MAGI2: variants seen among roughly 807,000 people sequenced by gnomAD.
MAGI2 encodes membrane associated guanylate kinase, WW and PDZ domain containing 2.
In MAGI2, 35 loss-of-function variants were observed where a neutral mutation model predicts 133.3. That is an observed-to-expected ratio of 0.26 (90% CI 0.20 to 0.35). The LOEUF (loss-of-function observed/expected upper bound fraction) is 0.35, where lower values mean the gene tolerates loss of function less well. Among genes scored for constraint, MAGI2 ranks in the 10% least tolerant of loss-of-function variants. MAGI2 has a pLI of 1.00. For synonymous variants in MAGI2, 729 were observed against 710.6 expected (o/e 1.03, Z -0.41); for missense variants, 1,636 against 1,863.4 (o/e 0.88, Z 2.25).
intron 10 of MAGI2, among the ~76,000 whole-genome samples, chr7:78,233,085 A>G (rs1175763128): frequency 6.6e-6 from 1 of 152,160 alleles, no homozygotes; most frequent in East Asian, 1.9e-4. Context: ...TGTAAGAGAA[A>G]AGTTCTGATC....
chr7:79,078,967 A>G (rs1815791905), intron 1 of MAGI2, among the ~76,000 whole-genome samples: 1 of 152,046 alleles, frequency 6.6e-6, no homozygotes, highest in East Asian at 1.9e-4. Context: ...TCCATTCTTT[A>G]CTCAATCTTT....
intron 9 of MAGI2, among the ~76,000 whole-genome samples, chr7:78,272,142 G>A (rs1393449881): frequency 2.0e-4 from 31 of 152,148 alleles, no homozygotes; most frequent in Non-Finnish European, 1.5e-5. Context: ...GGTGCATCGT[G>A]TCCTTTGTTC....
chr7:78,654,272 C>T (rs1232192156), intron 2 of MAGI2, among the ~76,000 whole-genome samples: 1 of 152,134 alleles, frequency 6.6e-6, no homozygotes. Context: ...GGATAACATA[C>T]TACCTTCCTC....
At chr7:78,796,511 A>G (rs1295361092) in intron 2 of MAGI2, among the ~76,000 whole-genome samples, 1 of 152,214 alleles carries the variant, frequency 6.6e-6, no homozygotes, top group Non-Finnish European at 1.5e-5. Context: ...ATGTAGAGAA[A>G]GGAGGATGCT....
At chr7:79,432,578 C>T (rs144813029) in intron 1 of MAGI2, among the ~76,000 whole-genome samples, 6 of 152,274 alleles carry the variant, frequency 3.9e-5, no homozygotes, top group African/African-American at 1.4e-4. Context: ...TCAGGGATGC[C>T]TGAGGTTTTC....
intron 2 of MAGI2, among the ~76,000 whole-genome samples, chr7:78,957,780 T>C (rs1301657573): frequency 6.6e-6 from 1 of 152,070 alleles, no homozygotes; most frequent in Non-Finnish European, 1.5e-5. Context: ...GGCTCCAGAG[T>C]TGGCATTCCT....
chr7:78,136,981 A>G (rs2150545635), intron 16 of MAGI2, among the ~76,000 whole-genome samples: 2 of 152,356 alleles, frequency 1.3e-5, no homozygotes, highest in South Asian at 4.1e-4. Flanking sequence ...TATATACCAT[A>G]AGCACTAATG....
intron 9 of MAGI2, among the ~76,000 whole-genome samples, chr7:78,326,502 A>G (rs928419492): frequency 2.6e-5 from 4 of 152,116 alleles, no homozygotes; most frequent in African/African-American, 9.7e-5. Flanking sequence ...TTACACATCC[A>G]CAGATCCCCA....
At chr7:78,548,468 G>A (rs1470703080) in intron 3 of MAGI2, among the ~76,000 whole-genome samples, 1 of 152,190 alleles carries the variant, frequency 6.6e-6, no homozygotes, top group Non-Finnish European at 1.5e-5. Flanking sequence ...GCCAAGGCAG[G>A]AGGATCACTT....
chr7:78,243,466 G>A lies in MAGI2; in HGVS notation c.2047+12477C>T, dbSNP rs560362238. On this transcript the variant is annotated intron_variant, in intron 10 of 21. Coordinates refer to ENST00000354212, the MANE Select transcript of MAGI2 (RefSeq NM_012301.4). ...GCTTTACTTTTAATGTTTTATCTGT[G>A]CAGTTTAAAAATCGTGGTACAGTAG... 3.9e-5 allele frequency among the ~76,000 whole-genome samples: 6 copies of A among 152,178 alleles called. No homozygotes were observed. In the East Asian group the frequency reaches 7.7e-4, roughly 20 times the overall value.
At chr7:78,979,823 A>T (rs907069889) in intron 2 of MAGI2, among the ~76,000 whole-genome samples, 2 of 151,946 alleles carry the variant, frequency 1.3e-5, no homozygotes, top group Non-Finnish European at 2.9e-5. Flanking sequence ...TTAAAAATTA[A>T]ATACATAAGT....
intron 20 of MAGI2, among the ~76,000 whole-genome samples, chr7:78,088,928 A>G (rs1816912072): frequency 6.6e-6 from 1 of 152,214 alleles, no homozygotes; most frequent in South Asian, 2.1e-4. Flanking sequence ...CACAAAGGTC[A>G]AAGTCTGAGA....
At chr7:78,920,143 T>A (rs1037741774) in intron 2 of MAGI2, among the ~76,000 whole-genome samples, 1 of 152,098 alleles carries the variant, frequency 6.6e-6, no homozygotes, top group Non-Finnish European at 1.5e-5. Context: ...ACTCCATGAA[T>A]TTCTACATCA....
At chr7:78,716,942 T>C (rs1030323754) in intron 2 of MAGI2, among the ~76,000 whole-genome samples, 1 of 152,184 alleles carries the variant, frequency 6.6e-6, no homozygotes, top group Non-Finnish European at 1.5e-5. Flanking sequence ...CCACCTTTTA[T>C]AAACTCCGGT....
At chr7:79,077,597 AAAT>A (rs1562865604) in intron 1 of MAGI2, among the ~76,000 whole-genome samples, 2 of 17,704 alleles carry the variant, frequency 1.1e-4, no homozygotes, top group African/African-American at 3.3e-4. Context: ...AAAAAAAAAT[AAAT>A]AAATAAATAA....
In MAGI2 at chr7:78,925,627, C is replaced by G. The variant is rs1799636361; in HGVS notation, c.418+81463G>C. Among the ~76,000 whole-genome samples, 6 of 152,026 alleles carry G rather than the reference C, an allele frequency of 3.9e-5. No individual in the cohort carries two copies. The South Asian group carries it at 1.2e-3, about 32-fold the overall frequency. On this transcript the variant is annotated intron_variant, in intron 2 of 21. Coordinates refer to ENST00000354212, the MANE Select transcript of MAGI2 (RefSeq NM_012301.4). ...CAGAAGTGTGTGATGAGTGGTATCT[C>G]CACAGATTAAATGCAGAAGCAAAGG...
At chr7:78,541,912 A>T (rs1277693730) in intron 3 of MAGI2, among the ~76,000 whole-genome samples, 4 of 152,176 alleles carry the variant, frequency 2.6e-5, no homozygotes, top group Non-Finnish European at 5.9e-5. Flanking sequence ...TACATTTCTG[A>T]TATGCTAACT....
At chr7:78,351,009 A>G (rs1238404710) in intron 7 of MAGI2, among the ~76,000 whole-genome samples, 3 of 152,158 alleles carry the variant, frequency 2.0e-5, no homozygotes, top group African/African-American at 4.8e-5. Flanking sequence ...GAAATAATCA[A>G]TGTGGAAGAG....
At position 78,196,131 on chromosome 7, in the gene MAGI2, C is replaced by T. The variant is rs150715209; in HGVS notation, c.2080-1068G>A. Among the ~76,000 whole-genome samples the T allele has an allele frequency of 3.0e-3, 455 of 152,286 alleles. 4 individuals are homozygous for T. Among genetic ancestry groups the T allele is most frequent in the African/African-American group, 0.011 (440 of 41,538 alleles). On this transcript the variant is annotated intron_variant, in intron 11 of 21. Coordinates refer to ENST00000354212, the MANE Select transcript of MAGI2 (RefSeq NM_012301.4). ...ACCCAGTTCTCTTCTGCTTCTGAAA[C>T]TTTGCATACTTCATTTCTCTTTCTA...
Sources: gnomAD v4.1 joint callset for allele counts (sites outside exome capture counted in the v4.1 genomes callset) on GRCh38, gnomAD v4.1.1 for gene constraint, MANE v1.5 for transcripts, NCBI Gene and HGNC (gene_info 2026-07-23, HGNC 2026-07-21) for gene names.